The following SLC3A1 variants were observed in gnomAD, a reference collection of about 807,000 sequenced individuals.
SLC3A1 encodes the protein amino acid transporter heavy chain SLC3A1.
In SLC3A1, 78 loss-of-function variants were observed where a neutral mutation model predicts 60.3. The observed-to-expected ratio is 1.29, with a 90% confidence interval of 1.08 to 1.56. SLC3A1 has a LOEUF of 1.56. Among genes scored for constraint, SLC3A1 ranks in the 40% most tolerant of loss-of-function variants. SLC3A1 has a pLI of 0.00. For missense variants in SLC3A1, 1,172 were observed against 858.9 expected (o/e 1.36, Z -4.56); for synonymous variants, 392 against 307.9 (o/e 1.27, Z -2.86).
At chr2:44,316,868 G>A (rs961263430) in intron 9 of SLC3A1, among the ~76,000 whole-genome samples, 2 of 151,966 alleles carry the variant, frequency 1.3e-5, no homozygotes, top group South Asian at 2.1e-4. Context: ...AATAGTCAAG[G>A]GACTATCCAA....
chr2:44,301,167 G>C (rs373285863), intron 6 of SLC3A1, 40 bp downstream of exon 6: 5 of 1,613,446 alleles, frequency 3.1e-6, no homozygotes, highest in African/African-American at 2.7e-5. Flanking sequence ...CCCAGGCTTA[G>C]TGTGTGATCT....
chr2:44,283,877 T>G (rs1671552709), intron 3 of SLC3A1, among the ~76,000 whole-genome samples: 1 of 151,496 alleles, frequency 6.6e-6, no homozygotes, highest in East Asian at 1.9e-4. Context: ...TCTTCTTAAC[T>G]AACTTTTTCA....
chr2:44,319,009 G>C (rs1672688899), intron 9 of SLC3A1: 1 of 152,098 alleles, frequency 6.6e-6, no homozygotes, highest in Non-Finnish European at 1.5e-5. Context: ...CACTTACCGG[G>C]CACTTCTTAT....
chr2:44,293,946 A>C (rs779653393), intron 4 of SLC3A1, among the ~76,000 whole-genome samples: 7 of 69,736 alleles, frequency 1.0e-4, no homozygotes, highest in Non-Finnish European at 1.9e-4. Flanking sequence ...TTTGTAAAGC[A>C]CTTAGGATGC....
chr2:44,308,518 C>A (rs1672212705), intron 7 of SLC3A1, among the ~76,000 whole-genome samples: 1 of 152,106 alleles, frequency 6.6e-6, no homozygotes, highest in African/African-American at 2.4e-5. Flanking sequence ...TTGTATTTTT[C>A]ATTGTACAAG....
chr2:44,298,673 C>T (rs1035310452), intron 4 of SLC3A1, among the ~76,000 whole-genome samples: 10 of 152,118 alleles, frequency 6.6e-5, no homozygotes, highest in Non-Finnish European at 1.2e-4. Context: ...CCGCTGCGCC[C>T]GGACTAACCA....
chr2:44,320,502 G>T lies in SLC3A1; in HGVS notation c.1921G>T (p.Asp641Tyr), dbSNP rs267599386. ...AGTTGATACAAGTGGCATTTTTCTG[G>T]ACAAGGGAGAGGGACTCATCTTTGA... is the stretch of plus-strand genomic sequence containing the variant. ...SKVDTSGIFLDKGEGLIFEHN... is the reference protein window; with the variant it reads ...SKVDTSGIFLYKGEGLIFEHN... The change falls in exon 10 of 10, where the codon GAC becomes TAC. Residue 641 changes from aspartate to tyrosine, a missense_variant. Transcript: ENST00000260649. The T allele has an allele frequency of 5.6e-6, 9 of 1,614,004 alleles. No individual in the cohort carries two copies. Among genetic ancestry groups the T allele is most frequent in the Non-Finnish European group, 7.6e-6 (9 of 1,180,000 alleles).
In SLC3A1 at chr2:44,321,281, T is replaced by G; in HGVS notation, c.*642T>G. On this transcript the variant is annotated 3_prime_UTR_variant, in exon 10 of 10. Coordinates refer to ENST00000260649, the MANE Select transcript of SLC3A1 (RefSeq NM_000341.4). Reference sequence around the variant, plus strand: ...TAAAAGTCTCAAGTTATTAATTTTTTTTTTGCTAACTCAATTGGAAGTAAG... The same window carrying G: ...TAAAAGTCTCAAGTTATTAATTTTTGTTTTGCTAACTCAATTGGAAGTAAG... The G allele has an allele frequency of 8.1e-7, 1 of 1,227,352 alleles. No individual in the cohort carries two copies. The highest frequency in any genetic ancestry group is 1.1e-6 in the Non-Finnish European group (1 of 870,324). The allele number at this position is 1,227,352 out of a possible 1,614,324, so 76.0% of individuals were successfully genotyped here.
At chr2:44,286,700 CTG>C (rs938929462) in intron 4 of SLC3A1, among the ~76,000 whole-genome samples, 13 of 131,330 alleles carry the variant, frequency 9.9e-5, no homozygotes, top group African/African-American at 3.5e-4. Context: ...GTGCCTGTGA[CTG>C]AGCTGTGCGG....
chr2:44,313,855 A>G lies in SLC3A1; in HGVS notation c.1521A>G (p.Ser507=). 6.2e-7 allele frequency: 1 copy of G among 1,614,016 alleles called. No individual in the cohort carries two copies. The highest frequency in any genetic ancestry group is 8.5e-7 in the Non-Finnish European group (1 of 1,179,902). Residue 507 remains serine, a synonymous_variant, in exon 9 of 10, where the codon TCA becomes TCG. Transcript: ENST00000260649. ...SYDINTLRSK[S]PMQWDNSSNA... Reference sequence around the variant, plus strand: ...CATAGAATACCCTTCGCTCAAAGTCACCAATGCAGTGGGACAATAGTTCAA... The same window carrying G: ...CATAGAATACCCTTCGCTCAAAGTCGCCAATGCAGTGGGACAATAGTTCAA...
At chr2:44,307,302 G>T (rs530848141) in intron 7 of SLC3A1, among the ~76,000 whole-genome samples, 1 of 152,230 alleles carries the variant, frequency 6.6e-6, no homozygotes, top group African/African-American at 2.4e-5. Context: ...ATGGACATTT[G>T]TGTACAAGTT....
In SLC3A1 at chr2:44,280,746, C is replaced by G. The variant is rs547490151; in HGVS notation, c.461C>G (p.Ala154Gly). The change falls in exon 2 of 10, where the codon GCT (alanine) becomes GGT (glycine). Residue 154 changes from alanine to glycine, a missense_variant. Transcript: ENST00000260649. ...CAAGATAAACTGGACTACATCACAGCTTTAAATATAAAAACTGTTTGGATT... is the reference window on the plus strand; with the variant it reads ...CAAGATAAACTGGACTACATCACAGGTTTAAATATAAAAACTGTTTGGATT... ...GIQDKLDYITALNIKTVWITS... is the reference protein window; with the variant it reads ...GIQDKLDYITGLNIKTVWITS... 1.2e-6 allele frequency: 2 copies of G among 1,609,752 alleles called. No homozygotes were observed. The highest frequency in any genetic ancestry group is 1.3e-5 in the African/African-American group (1 of 74,916).
intron 1 of SLC3A1, among the ~76,000 whole-genome samples, 184 bp from the exon 2 acceptor site, chr2:44,280,532 C>T (rs747476328): frequency 7.2e-5 from 11 of 152,144 alleles, no homozygotes; most frequent in Non-Finnish European, 5.9e-5. Context: ...ACCACTACAC[C>T]CGACCTAATT....
intron 4 of SLC3A1, among the ~76,000 whole-genome samples, chr2:44,296,970 A>G (rs1671866216): frequency 1.3e-5 from 2 of 152,158 alleles, no homozygotes; most frequent in South Asian, 4.1e-4. Context: ...CATGATTGTG[A>G]GGCCTCCCCA....
rs772810111 is a variant in SLC3A1, at chr2:44,300,090, G to A, written c.1011G>A (p.Pro337=). 37 of 1,613,650 alleles carry A rather than the reference G, an allele frequency of 2.3e-5. No homozygotes were observed. Among genetic ancestry groups the A allele is most frequent in the East Asian group, 4.5e-5 (2 of 44,872 alleles). Residue 337 remains proline, a splice_region_variant and synonymous_variant, in exon 5 of 10, where the codon CCG becomes CCA. Transcript: ENST00000260649. ...TCCAAGTAAATAAGACCCAAATCCC[G>A]GTAAAGTTTTATTTTAAACGTTTTT... ...DEIQVNKTQI[P]DTVTQYSELY...
intron 4 of SLC3A1, among the ~76,000 whole-genome samples, chr2:44,286,732 C>T (rs891946923): frequency 1.4e-5 from 2 of 139,004 alleles, no homozygotes; most frequent in Non-Finnish European, 3.0e-5. Context: ...CTGAGCTGTG[C>T]AGTGCCTGTG....
chr2:44,293,623 C>T (rs1206495454), intron 4 of SLC3A1, among the ~76,000 whole-genome samples: 3 of 151,950 alleles, frequency 2.0e-5, no homozygotes, highest in Non-Finnish European at 4.4e-5. Context: ...AGAGCTCAGG[C>T]AGGTGTTTGG....
chr2:44,277,876 G>T (rs992186588), intron 1 of SLC3A1, among the ~76,000 whole-genome samples: 4 of 152,114 alleles, frequency 2.6e-5, no homozygotes, highest in Admixed American at 2.6e-4. Flanking sequence ...TGTCTTTGAG[G>T]TTGAAGGGAT....
At chr2:44,301,302 A>G in intron 6 of SLC3A1, 175 bp downstream of exon 6, 1 of 808,018 alleles carries the variant, frequency 1.2e-6, no homozygotes, top group African/African-American at 1.7e-5. Flanking sequence ...CTGTTTGCTT[A>G]TTTTGCTGAC....
Sources: gnomAD v4.1 joint callset for allele counts (sites outside exome capture counted in the v4.1 genomes callset) on GRCh38, gnomAD v4.1.1 for gene constraint, MANE v1.5 for transcripts, NCBI Gene and HGNC (gene_info 2026-07-23, HGNC 2026-07-21) for gene names.